FCRL4: variants seen among roughly 807,000 people sequenced by gnomAD.
FCRL4 encodes the protein Fc receptor like 4, also known as Fc receptor-like protein 4.
FCRL4 carries 43 observed loss-of-function variants against 64.1 expected under a neutral mutation model. That is an observed-to-expected ratio of 0.67 (90% CI 0.53 to 0.87). FCRL4 has a LOEUF of 0.87. Ranked by LOEUF, FCRL4 falls within the 40% of genes least tolerant of loss-of-function variation. The pLI, the probability that FCRL4 is intolerant of heterozygous loss-of-function variation, is 0.00. For synonymous variants in FCRL4, 253 were observed against 239.8 expected (o/e 1.05, Z -0.51); for missense variants, 656 against 613.5 (o/e 1.07, Z -0.73).
At chr1:157,591,238 C>G (rs1571144295) in intron 2 of FCRL4, among the ~76,000 whole-genome samples, 2 of 152,256 alleles carry the variant, frequency 1.3e-5, no homozygotes, top group East Asian at 3.9e-4. Flanking sequence ...AAGGGAAGAA[C>G]AACTGTTCTT....
At chr1:157,595,877 T>C (rs1380353356) in intron 2 of FCRL4, among the ~76,000 whole-genome samples, 1 of 152,214 alleles carries the variant, frequency 6.6e-6, no homozygotes, top group Non-Finnish European at 1.5e-5. Context: ...ATTTGAGCTA[T>C]TAACAGAGAA....
At position 157,575,480 on chromosome 1, in the gene FCRL4, G is replaced by C. The variant is rs765181227; in HGVS notation, c.*44C>G. ...CACTGGGCCTGGGACTTTGGACAAG[G>C]GAGAAATCACATGAGTAGGACGTTC... is the stretch of plus-strand genomic sequence containing the variant. On this transcript the variant is annotated 3_prime_UTR_variant, in exon 12 of 12. Transcript: ENST00000271532. 7 of 1,475,586 alleles carry C rather than the reference G, an allele frequency of 4.7e-6. No individual in the cohort carries two copies. The highest frequency in any genetic ancestry group is 6.6e-6 in the Non-Finnish European group (7 of 1,060,498). 91.4% of individuals were successfully genotyped at this position (1,475,586 alleles called of 1,614,324 possible). A position where few individuals can be genotyped will look rare whatever the true frequency, so the allele number is the denominator to read the frequency against.
intron 10 of FCRL4, among the ~76,000 whole-genome samples, chr1:157,576,556 T>A (rs849826): frequency 0.45 from 68,774 of 152,064 alleles, 17,881 homozygotes; most frequent in African/African-American, 0.73. Flanking sequence ...ATAATTCAAG[T>A]GTCTGAAATG....
intron 5 of FCRL4, among the ~76,000 whole-genome samples, chr1:157,587,040 T>C (rs1652716822): frequency 6.6e-6 from 1 of 152,232 alleles, no homozygotes; most frequent in South Asian, 2.1e-4. Context: ...CAAACCTAAC[T>C]CCATGAGTCA....
intron 3 of FCRL4, among the ~76,000 whole-genome samples, chr1:157,588,918 C>T (rs1652770973): frequency 6.6e-6 from 1 of 152,248 alleles, no homozygotes; most frequent in South Asian, 2.1e-4. Context: ...CTATAAAGCC[C>T]TGCAGGGCAG....
chr1:157,594,554 T>C (rs923662339), intron 2 of FCRL4, among the ~76,000 whole-genome samples: 1 of 152,248 alleles, frequency 6.6e-6, no homozygotes, highest in Non-Finnish European at 1.5e-5. Context: ...TCATTTGTAT[T>C]AATTTTCAAA....
Position 157,586,318 on chromosome 1 carries a change from G to T in FCRL4, c.985C>A (p.Gln329Lys). ...TTFSWHREDM[Q>K]ESLGRKTQRS... ...TGAGTTTTCCTCCCCAGACTCTCCT[G>T]CATGTCCTCTCGGTGCCAGGAGAAT... Residue 329 changes from glutamine to lysine, a missense_variant, in exon 6 of 12, where the codon CAG becomes AAG. Physicochemically the swap from Gln to Lys is moderately conservative, Grantham distance 53. Coordinates refer to ENST00000271532, the MANE Select transcript of FCRL4 (RefSeq NM_031282.3). The T allele has an allele frequency of 1.9e-6, 3 of 1,613,940 alleles. No individual in the cohort carries two copies. The highest frequency in any genetic ancestry group is 2.5e-6 in the Non-Finnish European group (3 of 1,179,976).
chr1:157,578,873 T>G, intron 8 of FCRL4, 21 bp from the exon 9 acceptor site: 1 of 1,589,418 alleles, frequency 6.3e-7, no homozygotes, highest in Non-Finnish European at 8.6e-7. Context: ...CAGAAACACA[T>G]AATAATCCCT....
At chr1:157,592,530 A>G (rs1295144806) in intron 2 of FCRL4, among the ~76,000 whole-genome samples, 1 of 152,222 alleles carries the variant, frequency 6.6e-6, no homozygotes, top group African/African-American at 2.4e-5. Flanking sequence ...TCAAAACCAC[A>G]ATGAGATACC....
chr1:157,592,311 C>A (rs1474336984), intron 2 of FCRL4, among the ~76,000 whole-genome samples: 20 of 152,226 alleles, frequency 1.3e-4, no homozygotes, highest in Non-Finnish European at 2.6e-4. Flanking sequence ...AAACAGGCAA[C>A]CTACAGAATG....
chr1:157,578,800 G>C lies in FCRL4; in HGVS notation c.1330C>G (p.Gln444Glu). ...ACATACAACGACTGAAGCTCCACCT[G>C]GGCAGGGCAGATGGAATGGGAGGAC... ...GESSHSICPAQVELQSLYVDV... is the reference protein window; with the variant it reads ...GESSHSICPAEVELQSLYVDV... Residue 444 changes from glutamine to glutamate, a missense_variant, in exon 9 of 12, where the codon CAG (glutamine) becomes GAG (glutamate). By Grantham distance (29) the Gln-to-Glu change is conservative. Transcript: ENST00000271532. 1 of 1,613,980 alleles carries C rather than the reference G, an allele frequency of 6.2e-7. No individual in the cohort carries two copies. Among genetic ancestry groups the C allele is most frequent in the Non-Finnish European group, 8.5e-7 (1 of 1,179,926 alleles).
intron 6 of FCRL4, among the ~76,000 whole-genome samples, chr1:157,582,725 C>T (rs773576187): frequency 9.2e-5 from 14 of 152,204 alleles, no homozygotes; most frequent in Non-Finnish European, 1.6e-4. Context: ...TATCAACAAA[C>T]CTGCCCTTTG....
chr1:157,577,186 A>G (rs2101673921), intron 10 of FCRL4, among the ~76,000 whole-genome samples: 1 of 152,258 alleles, frequency 6.6e-6, no homozygotes, highest in East Asian at 1.9e-4. Flanking sequence ...CTGAGGTGAG[A>G]GTAGCAGGTT....
Position 157,578,519 on chromosome 1 carries a change from C to T in FCRL4, c.1384G>A (p.Val462Ile). The change falls in exon 10 of 12, where the codon GTA becomes ATA. Residue 462 changes from valine to isoleucine, a missense_variant. Transcript: ENST00000271532. ...TGAGTAGTCTGGATCTCAGAGTATA[C>T]CAAATCTCCCTTTTTGGGGTGTACT... ...VDVHPKKGDL[V>I]YSEIQTTQLG... 2 of 1,614,004 alleles carry T rather than the reference C, an allele frequency of 1.2e-6. No homozygotes were observed. The highest frequency in any genetic ancestry group is 1.1e-5 in the South Asian group (1 of 91,074).
At chr1:157,577,306 C>T (rs1652438454) in intron 10 of FCRL4, among the ~76,000 whole-genome samples, 1 of 152,064 alleles carries the variant, frequency 6.6e-6, no homozygotes, top group Non-Finnish European at 1.5e-5. Context: ...CTCAGAAAGC[C>T]AAAGTGGACC....
chr1:157,574,133 A>G lies in FCRL4; in HGVS notation c.*1391T>C, dbSNP rs1348869693. 2 of 219,022 alleles carry G rather than the reference A, an allele frequency of 9.1e-6. No individual in the cohort carries two copies. Among genetic ancestry groups the G allele is most frequent in the Non-Finnish European group, 1.8e-5 (2 of 109,262 alleles). 13.6% of individuals were successfully genotyped at this position (219,022 alleles called of 1,614,324 possible). On this transcript the variant is annotated 3_prime_UTR_variant, in exon 12 of 12. Coordinates refer to ENST00000271532, the MANE Select transcript of FCRL4 (RefSeq NM_031282.3). ...AAATATTCGTCTTTTCTTTATGTTGAAAATATTCTAATTACTTTTCTTCAT... is the reference window on the plus strand; with the variant it reads ...AAATATTCGTCTTTTCTTTATGTTGGAAATATTCTAATTACTTTTCTTCAT...
intron 10 of FCRL4, among the ~76,000 whole-genome samples, chr1:157,577,812 C>T (rs755163099): frequency 9.2e-5 from 14 of 152,098 alleles, no homozygotes; most frequent in Non-Finnish European, 1.8e-4. Flanking sequence ...AAAGAACAGG[C>T]AGAATAATAC....
intron 10 of FCRL4, among the ~76,000 whole-genome samples, chr1:157,576,822 G>A (rs1652426461): frequency 6.6e-6 from 1 of 152,224 alleles, no homozygotes; most frequent in South Asian, 2.1e-4. Context: ...GTAATAGGCT[G>A]TGCATGCAGA....
At chr1:157,582,449 G>A (rs1343106141) in intron 6 of FCRL4, among the ~76,000 whole-genome samples, 3 of 152,100 alleles carry the variant, frequency 2.0e-5, no homozygotes, top group South Asian at 2.1e-4. Flanking sequence ...GTAGTGATGC[G>A]CTAAAGAGCA....
Sources: allele counts gnomAD v4.1 joint callset (sites outside exome capture counted in the v4.1 genomes callset), GRCh38; gene constraint gnomAD v4.1.1; transcripts MANE v1.5; gene names NCBI Gene and HGNC (gene_info 2026-07-23, HGNC 2026-07-21).